SNTG1: variants seen among roughly 807,000 people sequenced by gnomAD.
The protein encoded by SNTG1 is gamma-1-syntrophin.
SNTG1 carries 39 observed loss-of-function variants against 74.7 expected under a neutral mutation model. The observed-to-expected ratio is 0.52, with a 90% CI of 0.40 to 0.68. The LOEUF is 0.68. SNTG1 is among the 30% of genes least tolerant of loss of function. SNTG1 has a pLI of 0.00. For missense variants in SNTG1, 685 were observed against 609.5 expected (o/e 1.12, Z -1.30); for synonymous variants, 254 against 217.1 (o/e 1.17, Z -1.49).
intron 1 of SNTG1, among the ~76,000 whole-genome samples, chr8:50,009,118 C>A (rs901973036): frequency 6.6e-6 from 1 of 152,106 alleles, no homozygotes; most frequent in African/African-American, 2.4e-5. Context: ...CTATTTCAGA[C>A]TTTGCTAAAG....
At chr8:50,102,741 G>A (rs2080190476) in intron 1 of SNTG1, among the ~76,000 whole-genome samples, 1 of 151,142 alleles carries the variant, frequency 6.6e-6, no homozygotes, top group South Asian at 2.1e-4. Flanking sequence ...TTTGTATAAG[G>A]TGTAAGGAAG....
intron 1 of SNTG1, among the ~76,000 whole-genome samples, chr8:50,162,559 CAAA>C (rs34746562): frequency 1.1e-4 from 9 of 83,960 alleles, no homozygotes; most frequent in Admixed American, 2.7e-4. Context: ...GACTCTGTCT[CAAA>C]AAAAAAAAAA....
At chr8:50,553,274 C>T in intron 12 of SNTG1, 95 bp downstream of exon 12, 2 of 1,468,166 alleles carry the variant, frequency 1.4e-6, no homozygotes, top group South Asian at 1.2e-5. Context: ...GTTTGGTGTT[C>T]TTCTCAGAAT....
intron 13 of SNTG1, among the ~76,000 whole-genome samples, chr8:50,630,752 A>T (rs960374439): frequency 2.0e-5 from 3 of 152,204 alleles, no homozygotes; most frequent in African/African-American, 7.2e-5. Context: ...CAGATGAAGA[A>T]CAGTGAATTT....
intron 4 of SNTG1, among the ~76,000 whole-genome samples, chr8:50,407,847 G>T (rs1282795223): frequency 6.6e-6 from 1 of 152,152 alleles, no homozygotes; most frequent in Non-Finnish European, 1.5e-5. Flanking sequence ...TGTACTGACT[G>T]GTTGGATCAG....
At chr8:49,983,483 G>T (rs930556671) in intron 1 of SNTG1, among the ~76,000 whole-genome samples, 13 of 151,918 alleles carry the variant, frequency 8.6e-5, no homozygotes, top group Non-Finnish European at 1.9e-4. Context: ...TTTGTTTTTT[G>T]GATTTCTAAA....
At chr8:50,055,398 T>C (rs1014859428) in intron 1 of SNTG1, among the ~76,000 whole-genome samples, 1 of 152,150 alleles carries the variant, frequency 6.6e-6, no homozygotes, top group Non-Finnish European at 1.5e-5. Flanking sequence ...TGAAGAAATA[T>C]GATTTGAAAG....
At chr8:50,088,560 C>T (rs1823142531) in intron 1 of SNTG1, among the ~76,000 whole-genome samples, 1 of 134,700 alleles carries the variant, frequency 7.4e-6, no homozygotes, top group Non-Finnish European at 1.7e-5. Flanking sequence ...AGCAAAGTCT[C>T]AGGATACAAA....
At chr8:50,130,203 T>C (rs1393522876) in intron 1 of SNTG1, among the ~76,000 whole-genome samples, 1 of 152,112 alleles carries the variant, frequency 6.6e-6, no homozygotes, top group African/African-American at 2.4e-5. Flanking sequence ...TTATCCTGAA[T>C]GTAGAACTGA....
intron 1 of SNTG1, among the ~76,000 whole-genome samples, chr8:50,092,709 C>A (rs543679293): frequency 1.2e-4 from 19 of 152,146 alleles, no homozygotes; most frequent in Admixed American, 2.0e-4. Flanking sequence ...TAATATAATT[C>A]TTGCACATTG....
intron 12 of SNTG1, among the ~76,000 whole-genome samples, chr8:50,576,062 T>A (rs1198178499): frequency 6.6e-6 from 1 of 152,184 alleles, no homozygotes; most frequent in East Asian, 1.9e-4. Flanking sequence ...TATTCCATTC[T>A]CTCTCTGCTT....
At chr8:50,505,109 A>G (rs2093995305) in intron 9 of SNTG1, among the ~76,000 whole-genome samples, 1 of 152,126 alleles carries the variant, frequency 6.6e-6, no homozygotes, top group South Asian at 2.1e-4. Context: ...TGATTAGCTT[A>G]TTTCATTTAG....
intron 2 of SNTG1, among the ~76,000 whole-genome samples, chr8:50,175,196 AGCATGATTTATAGTCCTTTGG>A (rs1240545786): frequency 1.3e-5 from 2 of 152,128 alleles, no homozygotes; most frequent in Non-Finnish European, 1.5e-5. Flanking sequence ...TCTTTATAGC[AGCATGATTTATAGTCCTTTGG>A]GTATATACCC....
At chr8:50,299,400 C>T (rs1462511562) in intron 2 of SNTG1, among the ~76,000 whole-genome samples, 1 of 152,018 alleles carries the variant, frequency 6.6e-6, no homozygotes, top group Non-Finnish European at 1.5e-5. Flanking sequence ...GGGAAAAAGA[C>T]ATCATATATT....
intron 18 of SNTG1, among the ~76,000 whole-genome samples, chr8:50,758,343 T>C (rs1354101441): frequency 6.6e-6 from 1 of 152,032 alleles, no homozygotes; most frequent in Non-Finnish European, 1.5e-5. Flanking sequence ...TATTATAATT[T>C]AAGTTCAGAG....
intron 18 of SNTG1, among the ~76,000 whole-genome samples, chr8:50,754,623 A>C (rs1176392455): frequency 6.6e-6 from 1 of 151,874 alleles, no homozygotes; most frequent in African/African-American, 2.4e-5. Flanking sequence ...GAACTACATT[A>C]ATTTTTACTG....
rs2093302625 is a variant in SNTG1, at chr8:50,436,328, AT to A, written c.163-2214del. Among the ~76,000 whole-genome samples the A allele has an allele frequency of 2.0e-5, 3 of 152,144 alleles. No homozygotes were observed. The South Asian group carries it at 6.2e-4, about 31-fold the overall frequency. On this transcript the variant is annotated intron_variant, in intron 4 of 18. Transcript: ENST00000642720. ...TTTACCTATCTATTTTGTAGGAAAA[AT>A]AGTCACGATTTAATTCACCTATTCC...
intron 1 of SNTG1, among the ~76,000 whole-genome samples, chr8:50,150,374 A>G (rs2082024114): frequency 6.6e-6 from 1 of 152,150 alleles, no homozygotes; most frequent in Non-Finnish European, 1.5e-5. Context: ...TCCTAATTGA[A>G]TACCCTTTAT....
chr8:50,603,018 G>T (rs1361285544), intron 13 of SNTG1, among the ~76,000 whole-genome samples: 1 of 151,522 alleles, frequency 6.6e-6, no homozygotes, highest in East Asian at 1.9e-4. Context: ...AGTCCACTTG[G>T]TGCTTTATAA....
Sources: gnomAD v4.1 joint callset for allele counts (sites outside exome capture counted in the v4.1 genomes callset) on GRCh38, gnomAD v4.1.1 for gene constraint, MANE v1.5 for transcripts, NCBI Gene and HGNC (gene_info 2026-07-23, HGNC 2026-07-21) for gene names.